Variants in CYP2A13 observed in about 807,000 individuals in gnomAD.
CYP2A13 encodes cytochrome P450 2A13.
A neutral mutation model predicts 39.4 loss-of-function variants in CYP2A13; 30 were observed. The ratio of observed to expected loss-of-function variants is 0.76; its 90% CI spans 0.57 to 1.03. The LOEUF (loss-of-function observed/expected upper bound fraction) is 1.03, where lower values mean the gene tolerates loss of function less well. CYP2A13 is among the 50% of genes least tolerant of loss of function. The pLI, the probability that CYP2A13 is intolerant of heterozygous loss-of-function variation, is 0.00. For missense variants in CYP2A13, 731 were observed against 648.4 expected, an observed-to-expected ratio of 1.13 and a Z score of -1.38; for synonymous variants, 269 against 254.7, an observed-to-expected ratio of 1.06 and a Z score of -0.54.
At position 41,094,964 on chromosome 19, in the gene CYP2A13, T is replaced by A. The variant is rs772139548; in HGVS notation, c.1167T>A (p.Thr389=). The A allele has an allele frequency of 6.2e-7, 1 of 1,614,028 alleles. No homozygotes were observed. Among genetic ancestry groups the A allele is most frequent in the Non-Finnish European group, 8.5e-7 (1 of 1,179,994 alleles). The change falls in exon 8 of 9, where the codon ACT becomes ACA. Residue 389 remains threonine (T), a synonymous_variant. Coordinates refer to ENST00000330436, the MANE Select transcript of CYP2A13 (RefSeq NM_000766.5). The part of the protein sequence containing the change: ...KFRDFFLPKG[T]EVFPMLGSVL... The stretch of plus-strand genomic sequence containing the variant: ...ACCTTCCTCCTCCCTCCCAGGGCAC[T>A]GAAGTGTTCCCTATGCTGGGCTCCG...
At chr19:41,093,319 A>G (rs1429458331) in intron 5 of CYP2A13, among the ~76,000 whole-genome samples, 7 of 152,218 alleles carry the variant, frequency 4.6e-5, no homozygotes, top group Non-Finnish European at 7.4e-5. Flanking sequence ...CCTTGAACCC[A>G]GGAGTTGGAG....
intron 8 of CYP2A13, among the ~76,000 whole-genome samples, chr19:41,095,336 C>G (rs902266025): frequency 3.3e-5 from 5 of 152,162 alleles, no homozygotes; most frequent in African/African-American, 1.2e-4. Flanking sequence ...TAGGGTCACA[C>G]AGCAGATTCT....
chr19:41,089,433 C>A (rs2031118888), intron 2 of CYP2A13, among the ~76,000 whole-genome samples: 1 of 152,134 alleles, frequency 6.6e-6, no homozygotes, highest in Non-Finnish European at 1.5e-5. Context: ...CTCTCGGCTT[C>A]TGTGCTTCTC....
chr19:41,094,739 A>G (rs2031264198), intron 7 of CYP2A13, among the ~76,000 whole-genome samples: 1 of 151,960 alleles, frequency 6.6e-6, no homozygotes, highest in African/African-American at 2.4e-5. Context: ...GGTCCCTCAA[A>G]CACCCTGCCT....
At position 41,095,826 on chromosome 19, in the gene CYP2A13, T is replaced by G; in HGVS notation, c.1370T>G (p.Met457Arg). The G allele has an allele frequency of 6.2e-7, 1 of 1,614,144 alleles. No individual in the cohort carries two copies. Among genetic ancestry groups the G allele is most frequent in the Non-Finnish European group, 8.5e-7 (1 of 1,180,004 alleles). Reference sequence around the variant, plus strand: ...CTCTTTCTCTTCTTCACCACCATCATGCAGAACTTTCGCTTCAAGTCCCCT... The same window carrying G: ...CTCTTTCTCTTCTTCACCACCATCAGGCAGAACTTTCGCTTCAAGTCCCCT... ...MELFLFFTTIMQNFRFKSPQS... is the reference protein window; with the variant it reads ...MELFLFFTTIRQNFRFKSPQS... The change falls in exon 9 of 9, where the codon ATG becomes AGG. Residue 457 changes from methionine to arginine, a missense_variant. Met to Arg is a moderately conservative substitution (Grantham distance 91, BLOSUM62 -1). Coordinates refer to ENST00000330436, the MANE Select transcript of CYP2A13 (RefSeq NM_000766.5).
At position 41,095,740 on chromosome 19, in the gene CYP2A13, C is replaced by G. The variant is rs113806551; in HGVS notation, c.1304-20C>G. 1.2e-6 allele frequency: 2 copies of G among 1,613,696 alleles called. No homozygotes were observed. The highest frequency in any genetic ancestry group is 1.7e-6 in the Non-Finnish European group (2 of 1,179,660). On this transcript the variant is annotated intron_variant, in intron 8 of 8. Transcript: ENST00000330436. ...CTGAGAGTGGGCTTCACCTTCACCCCTCCTGCCTCTCCTCCTCAGGAAAGC... is the reference window on the plus strand; with the variant it reads ...CTGAGAGTGGGCTTCACCTTCACCCGTCCTGCCTCTCCTCCTCAGGAAAGC...
intron 6 of CYP2A13, among the ~76,000 whole-genome samples, 197 bp downstream of exon 6, chr19:41,093,968 G>C (rs1366452691): frequency 6.6e-6 from 1 of 152,002 alleles, no homozygotes; most frequent in Non-Finnish European, 1.5e-5. Flanking sequence ...TGCACTGATT[G>C]GTCAGTCACT....
intron 4 of CYP2A13, among the ~76,000 whole-genome samples, chr19:41,091,258 C>G (rs1402202937): frequency 6.6e-6 from 1 of 152,196 alleles, no homozygotes; most frequent in East Asian, 1.9e-4. Flanking sequence ...TCTTCACCAG[C>G]CCCACTTTAA....
At chr19:41,094,671 C>G (rs1395027678) in intron 7 of CYP2A13, among the ~76,000 whole-genome samples, 1 of 152,096 alleles carries the variant, frequency 6.6e-6, no homozygotes, top group East Asian at 1.9e-4. Context: ...AACTTCCTGT[C>G]TTAAGAAACA....
rs541435257 is a variant in CYP2A13, at chr19:41,094,010, T to A, written c.974-235T>A. Among the ~76,000 whole-genome samples the A allele has an allele frequency of 6.6e-5, 10 of 152,312 alleles. No individual in the cohort carries two copies. The South Asian group carries it at 8.3e-4, about 13-fold the overall frequency. ...CCAAGCCCACTGAGTGTCCGCTGCC[T>A]GCTCCTCTGGATCATCCCCTAAGTT... is the stretch of plus-strand genomic sequence containing the variant. On this transcript the variant is annotated intron_variant, in intron 6 of 8. Coordinates refer to ENST00000330436, the MANE Select transcript of CYP2A13 (RefSeq NM_000766.5).
rs762374305 is a variant in CYP2A13 at position 41,090,101 on chromosome 19, C to T, written c.398C>T (p.Ala133Val). 70 of 1,612,356 alleles carry T rather than the reference C, an allele frequency of 4.3e-5. No individual in the cohort carries two copies. The highest frequency in any genetic ancestry group is 1.7e-4 in the Middle Eastern group (1 of 6,058). Residue 133 changes from alanine to valine, a missense_variant, in exon 3 of 9, where the codon GCC (alanine) becomes GTC (valine). Coordinates refer to ENST00000330436, the MANE Select transcript of CYP2A13 (RefSeq NM_000766.5). Reference protein sequence around the residue: ...RAKQLRRFSIATLRGFGVGKR... With the variant: ...RAKQLRRFSIVTLRGFGVGKR... ...AAGCAGCTCCGGCGCTTCTCCATCG[C>T]CACCCTAAGGGGTTTTGGCGTGGGC...
rs766050277 is a variant in CYP2A13 at position 41,091,821 on chromosome 19, C to T, written c.744C>T (p.Ile248=). The change falls in exon 5 of 9, where the codon ATC becomes ATT. Residue 248 remains isoleucine, a synonymous_variant. Transcript: ENST00000330436. ...AGCTGCAAGGGCTGGAGGACTTCAT[C>T]GCCAAGAAGGTGGAGCACAACCAGC... ...FKELQGLEDF[I]AKKVEHNQRT... 5.0e-6 allele frequency: 8 copies of T among 1,614,026 alleles called. No individual in the cohort carries two copies. The highest frequency in any genetic ancestry group is 2.2e-5 in the South Asian group (2 of 91,090).
chr19:41,094,098 T>C (rs1287752860), intron 6 of CYP2A13, 147 bp from the exon 7 acceptor site: 5 of 1,335,202 alleles, frequency 3.7e-6, no homozygotes, highest in Non-Finnish European at 5.0e-6. Context: ...GCTGCAACAA[T>C]GCGAATGGCT....
Position 41,095,770 on chromosome 19 carries a change from C to T in CYP2A13, c.1314C>T (p.Tyr438=). Residue 438 remains tyrosine, a synonymous_variant, in exon 9 of 9, where the codon TAC becomes TAT. Coordinates refer to ENST00000330436, the MANE Select transcript of CYP2A13 (RefSeq NM_000766.5). The stretch of plus-strand genomic sequence containing the variant: ...GCCTCTCCTCCTCAGGAAAGCGGTA[C>T]TGTTTTGGAGAAGGCCTGGCCAGAA... ...AFVPFSIGKR[Y]CFGEGLARME... The T allele has an allele frequency of 2.5e-6, 4 of 1,614,092 alleles. No homozygotes were observed. Among genetic ancestry groups the T allele is most frequent in the South Asian group, 1.1e-5 (1 of 91,080 alleles).
rs1027123010 is a variant in CYP2A13, at chr19:41,093,828, C to T, written c.973+57C>T. 7 of 1,592,798 alleles carry T rather than the reference C, an allele frequency of 4.4e-6. No homozygotes were observed. In the African/African-American group the frequency reaches 9.4e-5, roughly 21 times the overall value. On this transcript the variant is annotated intron_variant, in intron 6 of 8. Transcript: ENST00000330436. ...CCCAGACCCTCAAAACTCCCCTGAG[C>T]CTGGTGCAGTGTACCCACCTATCCC...
intron 5 of CYP2A13, among the ~76,000 whole-genome samples, chr19:41,092,247 C>G (rs1272760048): frequency 2.1e-5 from 3 of 140,110 alleles, no homozygotes; most frequent in Non-Finnish European, 4.5e-5. Flanking sequence ...ATCCGGGAGG[C>G]AGAGGTTGCA....
At chr19:41,093,821 C>G in intron 6 of CYP2A13, 50 bp downstream of exon 6, 1 of 1,600,650 alleles carries the variant, frequency 6.2e-7, no homozygotes, top group Non-Finnish European at 8.5e-7. Flanking sequence ...CTCAAAACTC[C>G]CCTGAGCCTG....
In CYP2A13 at chr19:41,088,581, C is replaced by G. The variant is rs781487437; in HGVS notation, c.110C>G (p.Pro37Arg). Residue 37 changes from proline (P) to arginine (R), a missense_variant, in exon 1 of 9, where the codon CCC (proline) becomes CGC (arginine). Coordinates refer to ENST00000330436, the MANE Select transcript of CYP2A13 (RefSeq NM_000766.5). ...AGCAGGGGGAAGCTGCCTCCGGGAC[C>G]CACCCCATTGCCCTTCATTGGAAAC... ...RKSRGKLPPG[P>R]TPLPFIGNYL... 35 of 1,613,850 alleles carry G rather than the reference C, an allele frequency of 2.2e-5. No individual in the cohort carries two copies. The highest frequency in any genetic ancestry group is 2.8e-5 in the Non-Finnish European group (33 of 1,179,928).
rs2031103354 is a variant in CYP2A13, at chr19:41,088,968, GGGCCCC to G, written c.224_229del (p.Pro75_Arg76del). The stretch of plus-strand genomic sequence containing the variant: ...TGGCCCTGTGTTCACCATTCACTTG[GGGCCCC>G]GGCGGGTCGTGGTGCTGTGCGGACA... On this transcript the variant is annotated inframe_deletion, in exon 2 of 9. Transcript: ENST00000330436. The G allele has an allele frequency of 6.2e-7, 1 of 1,613,790 alleles. No individual in the cohort carries two copies. Among genetic ancestry groups the G allele is most frequent in the African/African-American group, 1.3e-5 (1 of 74,860 alleles).
Sources: allele counts gnomAD v4.1 joint callset (sites outside exome capture counted in the v4.1 genomes callset), GRCh38; gene constraint gnomAD v4.1.1; transcripts MANE v1.5; gene names NCBI Gene and HGNC (gene_info 2026-07-23, HGNC 2026-07-21).